Variants in ZNF626 observed in about 807,000 individuals in gnomAD.
ZNF626 encodes the protein CTC-513N18.7.
Under a neutral mutation model 11.7 loss-of-function variants are expected in ZNF626, and 4 were observed. The observed-to-expected ratio is 0.34, with a 90% CI of 0.17 to 0.78. The LOEUF (loss-of-function observed/expected upper bound fraction) is 0.78, where lower values mean the gene tolerates loss of function less well. Ranked by LOEUF, ZNF626 falls within the 30% of genes least tolerant of loss-of-function variation. The pLI, the probability that ZNF626 is intolerant of heterozygous loss-of-function variation, is 0.57. For synonymous variants in ZNF626, 179 were observed against 198.6 expected (o/e 0.90, Z 0.83); for missense variants, 588 against 587.1 (o/e 1.00, Z -0.01).
chr19:20,658,294 G>C (rs1555773326), intron 1 of ZNF626, among the ~76,000 whole-genome samples: 2 of 152,170 alleles, frequency 1.3e-5, no homozygotes, highest in Non-Finnish European at 2.9e-5. Flanking sequence ...TGGTGCGGCA[G>C]ATTCTGTATC....
At position 20,645,762 on chromosome 19, in the gene ZNF626, G is replaced by A. The variant is rs1555771849; in HGVS notation, c.148C>T (p.Pro50Ser). 5.0e-6 allele frequency: 8 copies of A among 1,605,728 alleles called. No individual in the cohort carries two copies. The highest frequency in any genetic ancestry group is 5.1e-6 in the Non-Finnish European group (6 of 1,177,962). The change falls in exon 3 of 4, where the codon CCA becomes TCA. Residue 50 changes from proline to serine, a missense_variant. Transcript: ENST00000601440. ...LVFLGITVSK[P>S]DLITCLEQGR... ...TGCTCCAGACAGGTGATCAGGTCTG[G>A]CTTAGAAACAGTAATACCTGTTTTA... is the stretch of plus-strand genomic sequence containing the variant.
At chr19:20,646,254 T>C (rs781907413) in intron 2 of ZNF626, 25 bp downstream of exon 2, 1 of 1,603,922 alleles carries the variant, frequency 6.2e-7, no homozygotes, top group East Asian at 2.2e-5. Context: ...CTATAGGGTA[T>C]ATTATGTACT....
intron 1 of ZNF626, among the ~76,000 whole-genome samples, chr19:20,655,892 G>A (rs1047031759): frequency 6.6e-6 from 1 of 151,198 alleles, no homozygotes; most frequent in Admixed American, 6.6e-5. Context: ...CCGAGATCGC[G>A]CCACTGCACT....
intron 3 of ZNF626, among the ~76,000 whole-genome samples, chr19:20,631,260 G>T (rs1316158975): frequency 2.0e-5 from 3 of 151,846 alleles, no homozygotes; most frequent in African/African-American, 7.3e-5. Context: ...GTTGATTTGG[G>T]GTGGAGAGTT....
intron 3 of ZNF626, among the ~76,000 whole-genome samples, chr19:20,636,441 C>T (rs539740313): frequency 1.3e-5 from 2 of 150,840 alleles, no homozygotes; most frequent in African/African-American, 2.4e-5. Context: ...AAATATATAA[C>T]ACAAAATATT....
At chr19:20,660,867 G>A (rs8102956) in intron 1 of ZNF626, among the ~76,000 whole-genome samples, 5,144 of 152,250 alleles carry the variant, frequency 0.034, 260 homozygotes, top group African/African-American at 0.11. Flanking sequence ...TGCGAGAAAA[G>A]GAAAAGGGGG....
Position 20,646,334 on chromosome 19 carries a change from C to T in ZNF626, c.75G>A (p.Gln25=). Residue 25 remains glutamine (Q), a synonymous_variant, in exon 2 of 4, where the codon CAG becomes CAA. Transcript: ENST00000601440. ...LEEWHCLDTA[Q]RNLYRNVMLE... is the part of the protein sequence containing the mutation. The stretch of plus-strand genomic sequence containing the variant: ...ACATCACATTCCTATATAAATTCCG[C>T]TGTGCAGTGTCCAGGCAATGCCACT... 1 of 1,614,092 alleles carries T rather than the reference C, an allele frequency of 6.2e-7. No homozygotes were observed. Among genetic ancestry groups the T allele is most frequent in the African/African-American group, 1.3e-5 (1 of 75,042 alleles).
chr19:20,655,680 T>A (rs930284138), intron 1 of ZNF626, among the ~76,000 whole-genome samples: 4 of 152,020 alleles, frequency 2.6e-5, no homozygotes, highest in Non-Finnish European at 5.9e-5. Context: ...CCCAACACTT[T>A]GGGAAGCCAA....
chr19:20,630,540 C>A (rs1392395201), intron 3 of ZNF626, among the ~76,000 whole-genome samples: 1 of 152,150 alleles, frequency 6.6e-6, no homozygotes, highest in Non-Finnish European at 1.5e-5. Flanking sequence ...TTATCCATTT[C>A]TTCTAGATTT....
At chr19:20,628,647 A>C (rs1416221113) in intron 3 of ZNF626, among the ~76,000 whole-genome samples, 3 of 151,944 alleles carry the variant, frequency 2.0e-5, no homozygotes, top group African/African-American at 7.3e-5. Flanking sequence ...TTTTCTTGTA[A>C]ACTTGTCTGA....
In ZNF626 at chr19:20,624,298, T is replaced by C. The variant is rs542558966; in HGVS notation, c.1579A>G (p.Ile527Val). Reference protein sequence around the residue: ...PSSGPHTLLHIR With the variant: ...PSSGPHTLLHVR ...TTTCTCTCCAGTATGAATTATCTTA[T>C]GTGTAGTAAGGTGTGAGGACCGCTT... Residue 527 changes from isoleucine (I) to valine (V), a missense_variant, in exon 4 of 4, where the codon ATA (isoleucine) becomes GTA (valine). Around this residue, in one of 4 missense-constraint regions of ZNF626, gnomAD observed 43 missense variants for 38.0 expected, o/e 1.13. Coordinates refer to ENST00000601440, the MANE Select transcript of ZNF626 (RefSeq NM_001076675.3). 8 of 1,613,954 alleles carry C rather than the reference T, an allele frequency of 5.0e-6. No homozygotes were observed. The highest frequency in any genetic ancestry group is 2.7e-5 in the African/African-American group (2 of 74,972).
Position 20,625,669 on chromosome 19 carries a change from A to G in ZNF626, c.227-19T>C. The G allele has an allele frequency of 6.6e-7, 1 of 1,516,428 alleles. No individual in the cohort carries two copies. The highest frequency in any genetic ancestry group is 8.8e-7 in the Non-Finnish European group (1 of 1,137,022). 93.9% of individuals were successfully genotyped at this position (1,516,428 alleles called of 1,614,324 possible). ...CACATTACTGAAAGAAACAATAAAA[A>G]CACATTACTTCAATTGGTAGACTCA... On this transcript the variant is annotated intron_variant, in intron 3 of 3. Coordinates refer to ENST00000601440, the MANE Select transcript of ZNF626 (RefSeq NM_001076675.3).
At chr19:20,632,079 T>C (rs1301750612) in intron 3 of ZNF626, among the ~76,000 whole-genome samples, 3 of 152,186 alleles carry the variant, frequency 2.0e-5, no homozygotes, top group Admixed American at 6.5e-5. Context: ...AAATTCCGGG[T>C]TGAAAATTCT....
chr19:20,628,465 T>C (rs1195035052), intron 3 of ZNF626, among the ~76,000 whole-genome samples: 6 of 152,258 alleles, frequency 3.9e-5, no homozygotes, highest in South Asian at 2.1e-4. Context: ...TTTTAATGAT[T>C]GCCATTCTAA....
chr19:20,638,746 A>G (rs537141824), intron 3 of ZNF626, among the ~76,000 whole-genome samples: 1 of 152,126 alleles, frequency 6.6e-6, no homozygotes, highest in African/African-American at 2.4e-5. Context: ...TTCTATATGT[A>G]TATGTGTATA....
chr19:20,652,898 C>T (rs1970162790), intron 1 of ZNF626, among the ~76,000 whole-genome samples: 1 of 152,096 alleles, frequency 6.6e-6, no homozygotes, highest in Admixed American at 6.6e-5. Context: ...ACTCACTACA[C>T]ACGTTACTCT....
At chr19:20,640,542 A>G (rs1265094953) in intron 3 of ZNF626, among the ~76,000 whole-genome samples, 1 of 151,510 alleles carries the variant, frequency 6.6e-6, no homozygotes, top group African/African-American at 2.4e-5. Flanking sequence ...CCTTAAAACT[A>G]AACAATGATG....
chr19:20,640,379 C>G (rs782736023), intron 3 of ZNF626, among the ~76,000 whole-genome samples: 1 of 150,680 alleles, frequency 6.6e-6, no homozygotes, highest in Non-Finnish European at 1.5e-5. Flanking sequence ...AAATTAAATG[C>G]CTGAGCAACA....
rs1555769372 is a variant in ZNF626 at position 20,625,088 on chromosome 19, G to C, written c.789C>G (p.Gly263=). Residue 263 remains glycine (G), a synonymous_variant, in exon 4 of 4, where the codon GGC becomes GGG. Transcript: ENST00000601440. ...GGGTTGAGGATGACATAAAGGCTTTGCCACATTTATCACACTTGTAGGGTT... is the reference window on the plus strand; with the variant it reads ...GGGTTGAGGATGACATAAAGGCTTTCCCACATTTATCACACTTGTAGGGTT... ...GEKPYKCDKC[G]KAFMSSSTLS... is the part of the protein sequence containing the mutation. 1 of 1,613,420 alleles carries C rather than the reference G, an allele frequency of 6.2e-7. No homozygotes were observed. Among genetic ancestry groups the C allele is most frequent in the East Asian group, 2.2e-5 (1 of 44,848 alleles).
Sources: allele counts gnomAD v4.1 joint callset (sites outside exome capture counted in the v4.1 genomes callset), GRCh38; gene constraint gnomAD v4.1.1; regional missense constraint gnomAD v4.1.1; transcripts MANE v1.5; gene names NCBI Gene and HGNC (gene_info 2026-07-23, HGNC 2026-07-21).